ADAM18: variants seen among roughly 807,000 people sequenced by gnomAD.
ADAM18 encodes disintegrin and metalloproteinase domain-containing protein 18.
In ADAM18, 117 loss-of-function variants were observed where a neutral mutation model predicts 94.4. The ratio of observed to expected loss-of-function variants is 1.24; its 90% CI spans 1.07 to 1.45. The LOEUF (loss-of-function observed/expected upper bound fraction) is 1.45. ADAM18 is among the 40% of genes most tolerant of loss of function. The pLI, the probability that ADAM18 is intolerant of heterozygous loss-of-function variation, is 0.00. For missense variants in ADAM18, 936 were observed against 880.0 expected (o/e 1.06, Z -0.81); for synonymous variants, 327 against 291.6 (o/e 1.12, Z -1.24).
At chr8:39,665,176 A>G (rs1028050202) in intron 13 of ADAM18, among the ~76,000 whole-genome samples, 2 of 152,186 alleles carry the variant, frequency 1.3e-5, no homozygotes, top group East Asian at 3.8e-4. Context: ...ATTATCACAT[A>G]AATTGAATCA....
At chr8:39,712,367 C>T (rs1822435692) in intron 18 of ADAM18, among the ~76,000 whole-genome samples, 1 of 151,962 alleles carries the variant, frequency 6.6e-6, no homozygotes, top group Non-Finnish European at 1.5e-5. Context: ...GAAGCATTCC[C>T]TTTGAAAACT....
At chr8:39,644,810 A>G (rs1056613978) in intron 10 of ADAM18, among the ~76,000 whole-genome samples, 1 of 152,154 alleles carries the variant, frequency 6.6e-6, no homozygotes, top group Admixed American at 6.6e-5. Context: ...ATACCCCTCC[A>G]TAAAATTTTC....
chr8:39,658,523 A>C (rs966239197), intron 12 of ADAM18, among the ~76,000 whole-genome samples: 1 of 152,202 alleles, frequency 6.6e-6, no homozygotes, highest in African/African-American at 2.4e-5. Flanking sequence ...TGAAAAAGGC[A>C]GGAAAATAGA....
At position 39,720,578 on chromosome 8, in the gene ADAM18, A is replaced by G. The variant is rs529070830; in HGVS notation, c.2018-3170A>G. Among the ~76,000 whole-genome samples, 4 of 151,640 alleles carry G rather than the reference A, an allele frequency of 2.6e-5. No homozygotes were observed. The East Asian group carries it at 7.7e-4, about 29-fold the overall frequency. On this transcript the variant is annotated intron_variant, in intron 18 of 19. Coordinates refer to ENST00000265707, the MANE Select transcript of ADAM18 (RefSeq NM_014237.3). Reference sequence around the variant, plus strand: ...CCCATTCTTTATCAAATAAAATATTAGAAACACTTTATATTAAATGAAAAA... The same window carrying G: ...CCCATTCTTTATCAAATAAAATATTGGAAACACTTTATATTAAATGAAAAA...
At chr8:39,636,864 G>T (rs1240632804) in intron 7 of ADAM18, among the ~76,000 whole-genome samples, 4 of 151,034 alleles carry the variant, frequency 2.6e-5, no homozygotes, top group Admixed American at 2.6e-4. Context: ...GTTTTGTTTT[G>T]TTTAGATACC....
At chr8:39,619,516 AC>A (rs1819544739) in intron 6 of ADAM18, among the ~76,000 whole-genome samples, 2 of 152,172 alleles carry the variant, frequency 1.3e-5, no homozygotes, top group Non-Finnish European at 2.9e-5. Flanking sequence ...TATAAGAGAA[AC>A]ATTGGAAACT....
At chr8:39,627,170 T>G (rs867513857) in intron 6 of ADAM18, among the ~76,000 whole-genome samples, 32 of 152,188 alleles carry the variant, frequency 2.1e-4, no homozygotes, top group Non-Finnish European at 3.4e-4. Flanking sequence ...GATAAAGACA[T>G]ACCCGAGACT....
chr8:39,723,718 C>A, intron 18 of ADAM18, 30 bp from the exon 19 acceptor site: 2 of 1,394,044 alleles, frequency 1.4e-6, no homozygotes, highest in South Asian at 1.8e-5. Context: ...CACTGAGTCC[C>A]CACTAATTTA....
chr8:39,722,989 C>T (rs532788906), intron 18 of ADAM18, among the ~76,000 whole-genome samples: 1 of 38,836 alleles, frequency 2.6e-5, no homozygotes, highest in African/African-American at 1.4e-4. Context: ...ATCATTGTAA[C>T]GTTTGGAGAG....
chr8:39,620,643 T>A (rs1819589660), intron 6 of ADAM18, among the ~76,000 whole-genome samples: 1 of 147,348 alleles, frequency 6.8e-6, no homozygotes, highest in Non-Finnish European at 1.5e-5. Context: ...CATATATTTA[T>A]ATATTGTTAT....
chr8:39,585,179 A>T, intron 1 of ADAM18, 97 bp from the exon 2 acceptor site: 1 of 839,408 alleles, frequency 1.2e-6, no homozygotes, highest in Non-Finnish European at 1.9e-6. Flanking sequence ...TTAAAATTTT[A>T]GGCGCCACCA....
At chr8:39,665,098 A>G (rs893707288) in intron 13 of ADAM18, among the ~76,000 whole-genome samples, 1 of 152,150 alleles carries the variant, frequency 6.6e-6, no homozygotes, top group Non-Finnish European at 1.5e-5. Context: ...TACTCAGTCC[A>G]TGACTCCACC....
At chr8:39,620,357 C>CAAAAAAAAAAAAAAAACAAAAA (rs1819574465) in intron 6 of ADAM18, among the ~76,000 whole-genome samples, 2 of 90,562 alleles carry the variant, frequency 2.2e-5, no homozygotes, top group Non-Finnish European at 2.1e-5. Flanking sequence ...GCAACAAAAG[C>CAAAAAAAAAAAAAAAACAAAAA]AAAAAAAAAA....
At chr8:39,662,250 C>T (rs1820861816) in intron 12 of ADAM18, among the ~76,000 whole-genome samples, 2 of 152,026 alleles carry the variant, frequency 1.3e-5, no homozygotes, top group African/African-American at 4.8e-5. Context: ...AGAATATATA[C>T]ACACACATAC....
intron 2 of ADAM18, among the ~76,000 whole-genome samples, chr8:39,597,688 T>C (rs550683600): frequency 2.4e-4 from 37 of 152,336 alleles, no homozygotes; most frequent in African/African-American, 8.4e-4. Context: ...AGCTTTATAG[T>C]TCAGTCTTGA....
At chr8:39,632,956 A>T (rs992707427) in intron 7 of ADAM18, among the ~76,000 whole-genome samples, 7 of 152,136 alleles carry the variant, frequency 4.6e-5, no homozygotes, top group Admixed American at 1.3e-4. Context: ...CAATGTTATG[A>T]CTTTAAGGCA....
At chr8:39,653,490 GAATA>G (rs1307467813) in intron 12 of ADAM18, among the ~76,000 whole-genome samples, 1 of 152,080 alleles carries the variant, frequency 6.6e-6, no homozygotes, top group Non-Finnish European at 1.5e-5. Context: ...TTAAAAAAGT[GAATA>G]AATAGCCTTA....
chr8:39,636,751 C>T (rs1444350319), intron 7 of ADAM18, among the ~76,000 whole-genome samples: 2 of 151,770 alleles, frequency 1.3e-5, no homozygotes, highest in Non-Finnish European at 1.5e-5. Context: ...ATAACCCAAA[C>T]TTTGTATCCT....
chr8:39,702,199 T>C (rs1432420676), intron 17 of ADAM18, among the ~76,000 whole-genome samples: 5 of 152,230 alleles, frequency 3.3e-5, no homozygotes, highest in Non-Finnish European at 7.4e-5. Flanking sequence ...CATGAAATGG[T>C]ATCTCATTGT....
Sources: gnomAD v4.1 joint callset for allele counts (sites outside exome capture counted in the v4.1 genomes callset) on GRCh38, gnomAD v4.1.1 for gene constraint, MANE v1.5 for transcripts, NCBI Gene and HGNC (gene_info 2026-07-23, HGNC 2026-07-21) for gene names.